Variants in STAG3 observed in about 807,000 individuals in gnomAD.
STAG3 encodes STAG3 cohesin complex component, also known as cohesin subunit SA-3.
In STAG3, 101 loss-of-function variants were observed where a neutral mutation model predicts 160.7. The ratio of observed to expected loss-of-function variants is 0.63; its 90% CI spans 0.54 to 0.74. STAG3 has a LOEUF of 0.74. Among genes scored for constraint, STAG3 ranks in the 30% least tolerant of loss-of-function variants. The pLI, the probability that STAG3 is intolerant of heterozygous loss-of-function variation, is 0.00. For synonymous variants in STAG3, 519 were observed against 585.0 expected, an observed-to-expected ratio of 0.89 and a Z score of 1.63; for missense variants, 1,188 against 1,517.4, an observed-to-expected ratio of 0.78 and a Z score of 3.61.
At chr7:100,201,894 G>A in intron 22 of STAG3, 28 bp downstream of exon 22, 1 of 1,614,010 alleles carries the variant, frequency 6.2e-7, no homozygotes, top group South Asian at 1.1e-5. Flanking sequence ...ATGGGATAAT[G>A]GGAACAGAGG....
rs763008891 is a variant in STAG3 at position 100,198,113 on chromosome 7, C to T, written c.1191C>T (p.Asp397=). 6 of 1,613,936 alleles carry T rather than the reference C, an allele frequency of 3.7e-6. No individual in the cohort carries two copies. In the East Asian group the frequency reaches 1.3e-4, roughly 36 times the overall value. The change falls in exon 12 of 34, where the codon GAC becomes GAT. Residue 397 remains aspartate, a synonymous_variant. Transcript: ENST00000615138. ...ACCGGATGGTTTCCATGGTCATGGA[C>T]AGAGAGTATGATGTGGCAGTGGAGG... ...FKDRMVSMVM[D]REYDVAVEAV...
rs1439737411 is a variant in STAG3, at chr7:100,198,501, C to T, written c.1271C>T (p.Ala424Val). 37 of 1,614,196 alleles carry T rather than the reference C, an allele frequency of 2.3e-5. No homozygotes were observed. The highest frequency in any genetic ancestry group is 6.7e-5 in the Admixed American group (4 of 60,026). Residue 424 changes from alanine to valine, a missense_variant, in exon 13 of 34, where the codon GCG becomes GTG. Physicochemically the swap from Ala to Val is moderately conservative, Grantham distance 64. Around this residue, in one of 4 missense-constraint regions of STAG3, gnomAD observed 240 missense variants for 358.1 expected, o/e 0.67. Coordinates refer to ENST00000615138, the MANE Select transcript of STAG3 (RefSeq NM_001282717.2). ...AACATGGAAGGGGTGCTGACGGACG[C>T]GGATTGTGAGAGCGTCTACCCAGTT... ...LKNMEGVLTD[A>V]DCESVYPVVY...
rs1802525390 is a variant in STAG3, at chr7:100,213,884, G to A, written c.3672+78G>A. On this transcript the variant is annotated intron_variant, in intron 33 of 33. Coordinates refer to ENST00000615138, the MANE Select transcript of STAG3 (RefSeq NM_001282717.2). ...ACCCGTGCACTCATCAAATTGACAG[G>A]CCATAGCCTGGGGGTGGCCCTCTGG... 6 of 1,613,386 alleles carry A rather than the reference G, an allele frequency of 3.7e-6. No individual in the cohort carries two copies. In the South Asian group the frequency reaches 4.4e-5, roughly 12 times the overall value.
chr7:100,180,885 T>G (rs112086838), intron 2 of STAG3: 79 of 370,536 alleles, frequency 2.1e-4, no homozygotes, highest in Non-Finnish European at 3.0e-4. Context: ...ATCCTGTTTT[T>G]TTTTTTTTTT....
chr7:100,203,013 A>T (rs1295842874), intron 25 of STAG3, among the ~76,000 whole-genome samples: 1 of 152,130 alleles, frequency 6.6e-6, no homozygotes, highest in Non-Finnish European at 1.5e-5. Context: ...CCATTCCAGG[A>T]GCTAAGGCCA....
intron 6 of STAG3, 43 bp downstream of exon 6, chr7:100,188,572 A>T (rs370416281): frequency 6.0e-5 from 85 of 1,408,092 alleles, no homozygotes; most frequent in Non-Finnish European, 8.4e-5. Context: ...TCTTATTTCA[A>T]AACACAATGC....
chr7:100,180,463 T>C, intron 1 of STAG3, 30 bp from the exon 2 acceptor site: 2 of 756,556 alleles, frequency 2.6e-6, no homozygotes, highest in Non-Finnish European at 4.8e-6. Flanking sequence ...AGTGCTGTGG[T>C]AGGAGCCCTT....
chr7:100,186,983 A>C (rs1408615068), intron 5 of STAG3, among the ~76,000 whole-genome samples: 3 of 152,032 alleles, frequency 2.0e-5, no homozygotes, highest in Non-Finnish European at 2.9e-5. Context: ...AGGTTGTATT[A>C]TATAAGAAAT....
intron 4 of STAG3, among the ~76,000 whole-genome samples, chr7:100,183,138 C>G (rs544148295): frequency 6.6e-6 from 1 of 152,266 alleles, no homozygotes; most frequent in Non-Finnish European, 1.5e-5. Context: ...CTCAGCCTCC[C>G]AAGTAGCTGG....
Position 100,201,346 on chromosome 7 carries a change from C to T in STAG3, c.2215C>T (p.His739Tyr). The T allele has an allele frequency of 1.2e-6, 2 of 1,614,084 alleles. No individual in the cohort carries two copies. The highest frequency in any genetic ancestry group is 1.1e-5 in the South Asian group (1 of 91,072). ...QKAVDTGEVP[H>Y]QVILPALTLV... ...GGCTGTGGACACAGGAGAGGTTCCT[C>T]ACCAGGTGAGTGGACAGGCTAGAGA... The change falls in exon 21 of 34, where the codon CAC (histidine) becomes TAC (tyrosine). Residue 739 changes from histidine to tyrosine, a missense_variant. This residue lies in a region of STAG3 where 647 missense variants were observed against 717.2 expected (regional missense o/e 0.90). Transcript: ENST00000615138.
At chr7:100,205,551 G>A (rs1801569324) in intron 29 of STAG3, among the ~76,000 whole-genome samples, 167 bp downstream of exon 29, 1 of 152,166 alleles carries the variant, frequency 6.6e-6, no homozygotes, top group Non-Finnish European at 1.5e-5. Context: ...CAAATAGAGG[G>A]CCAGGTGTGG....
intron 5 of STAG3, among the ~76,000 whole-genome samples, chr7:100,186,538 G>A (rs1271241256): frequency 6.6e-6 from 1 of 152,092 alleles, no homozygotes; most frequent in African/African-American, 2.4e-5. Flanking sequence ...GGGAAACATG[G>A]CGAAACCCCT....
At chr7:100,200,154 G>A in intron 16 of STAG3, 82 bp from the exon 17 acceptor site, 2 of 1,000,130 alleles carry the variant, frequency 2.0e-6, no homozygotes, top group East Asian at 5.2e-5. Flanking sequence ...GGCAGATAAG[G>A]TCATGGGGAG....
rs199706651 is a variant in STAG3, at chr7:100,198,092, G to T, written c.1170G>T (p.Arg390=). 1.2e-6 allele frequency: 2 copies of T among 1,613,986 alleles called. No individual in the cohort carries two copies. The highest frequency in any genetic ancestry group is 1.7e-6 in the Non-Finnish European group (2 of 1,179,846). ...LELFTSRFKD[R]MVSMVMDREY... Reference sequence around the variant, plus strand: ...TGACTTTCTCCTTTCTGCAGGACCGGATGGTTTCCATGGTCATGGACAGAG... The same window carrying T: ...TGACTTTCTCCTTTCTGCAGGACCGTATGGTTTCCATGGTCATGGACAGAG... The change falls in exon 12 of 34, where the codon CGG becomes CGT. Residue 390 remains arginine, a synonymous_variant. Coordinates refer to ENST00000615138, the MANE Select transcript of STAG3 (RefSeq NM_001282717.2).
chr7:100,210,838 A>G (rs1003964741), intron 29 of STAG3, among the ~76,000 whole-genome samples, 173 bp from the exon 30 acceptor site: 1 of 152,218 alleles, frequency 6.6e-6, no homozygotes, highest in Non-Finnish European at 1.5e-5. Context: ...ACATAGGGCT[A>G]TGTATTTAGT....
rs765309967 is a variant in STAG3 at position 100,204,620 on chromosome 7, G to A, written c.2803-7G>A. On this transcript the variant is annotated splice_polypyrimidine_tract_variant and splice_region_variant and intron_variant, in intron 26 of 33. Transcript: ENST00000615138. The stretch of plus-strand genomic sequence containing the variant: ...TTTCCCACATGCACCATGTCTCCTG[G>A]ACACAGCTGTACACAGAACTGCTGC... 1.3e-5 allele frequency: 21 copies of A among 1,613,540 alleles called. No homozygotes were observed. The highest frequency in any genetic ancestry group is 1.6e-5 in the Non-Finnish European group (19 of 1,179,788).
Position 100,211,638 on chromosome 7 carries a change from G to A in STAG3, c.3518+99G>A, listed in dbSNP as rs200493852. ...ATTGCCTCTCTGTGGGTGCTTTTTGGACTTGTTTTAGCCACAGAGCACTTC... is the reference window on the plus strand; with the variant it reads ...ATTGCCTCTCTGTGGGTGCTTTTTGAACTTGTTTTAGCCACAGAGCACTTC... On this transcript the variant is annotated intron_variant, in intron 31 of 33. Transcript: ENST00000615138. 2.0e-6 allele frequency: 3 copies of A among 1,477,508 alleles called. No homozygotes were observed. In the East Asian group the frequency reaches 6.8e-5, roughly 33 times the overall value. 91.5% of individuals were successfully genotyped at this position (1,477,508 alleles called of 1,614,324 possible). A position where few individuals can be genotyped will look rare whatever the true frequency, so the allele number is the denominator to read the frequency against.
intron 8 of STAG3, among the ~76,000 whole-genome samples, chr7:100,189,844 T>G (rs1800250989): frequency 6.6e-6 from 1 of 151,678 alleles, no homozygotes; most frequent in South Asian, 2.1e-4. Context: ...TTTTTTTTTG[T>G]CAGCACTCAT....
At position 100,198,546 on chromosome 7, in the gene STAG3, G is replaced by C; in HGVS notation, c.1316G>C (p.Gly439Ala). The change falls in exon 13 of 34, where the codon GGC becomes GCC. Residue 439 changes from glycine (G) to alanine (A), a missense_variant. By Grantham distance (60) the Gly-to-Ala change is moderately conservative. This residue lies in a region of STAG3 where 240 missense variants were observed against 358.1 expected (regional missense o/e 0.67). Coordinates refer to ENST00000615138, the MANE Select transcript of STAG3 (RefSeq NM_001282717.2). ...VYPVVYASHR[G>A]LASAAGEFLY... ...CCAGTTGTGTATGCCTCTCATCGAG[G>C]CCTGGCCTCTGCCGCAGGCGAATTT... 1.2e-6 allele frequency: 2 copies of C among 1,614,116 alleles called. No individual in the cohort carries two copies. Among genetic ancestry groups the C allele is most frequent in the African/African-American group, 2.7e-5 (2 of 75,052 alleles).
Sources: gnomAD v4.1 joint callset for allele counts (sites outside exome capture counted in the v4.1 genomes callset) on GRCh38, gnomAD v4.1.1 for gene constraint, gnomAD v4.1.1 regional missense constraint, MANE v1.5 for transcripts, NCBI Gene and HGNC (gene_info 2026-07-23, HGNC 2026-07-21) for gene names.